POLK: variants seen among roughly 807,000 people sequenced by gnomAD.
POLK encodes DNA polymerase kappa, also known as polymerase (DNA directed) kappa.
POLK carries 76 observed loss-of-function variants against 94.0 expected under a neutral mutation model. The ratio of observed to expected loss-of-function variants is 0.81; its 90% CI spans 0.67 to 0.98. POLK has a LOEUF of 0.98. POLK is among the 50% of genes least tolerant of loss of function. The probability of loss-of-function intolerance (pLI) is 0.00; values close to 1 mark genes in which losing one functional copy is unlikely to be tolerated. For missense variants in POLK, 954 were observed against 1,010.1 expected, an observed-to-expected ratio of 0.94 and a Z score of 0.75; for synonymous variants, 349 against 325.4, an observed-to-expected ratio of 1.07 and a Z score of -0.78.
intron 1 of POLK, among the ~76,000 whole-genome samples, chr5:75,514,280 A>T (rs1768220280): frequency 6.6e-6 from 1 of 152,204 alleles, no homozygotes; most frequent in African/African-American, 2.4e-5. Flanking sequence ...ATAAATATTT[A>T]AAATTGTGTG....
chr5:75,607,535 G>A, the POLK span, among the ~76,000 whole-genome samples: 41 of 150,900 alleles, frequency 2.7e-4, no homozygotes, highest in Non-Finnish European at 3.8e-4. Flanking sequence ...TCTTGCAGCT[G>A]TAGCATTCTG....
chr5:75,511,487 G>A, upstream of POLK: 1 of 1,501,944 alleles, frequency 6.7e-7, no homozygotes, highest in Non-Finnish European at 8.9e-7. Context: ...GCCCGGCGCT[G>A]CCACCCGAAC....
In POLK at chr5:75,584,937, G is replaced by A. The variant is rs1337123191; in HGVS notation, c.1226+11G>A. 1.9e-6 allele frequency: 3 copies of A among 1,546,472 alleles called. No individual in the cohort carries two copies. The highest frequency in any genetic ancestry group is 2.6e-6 in the Non-Finnish European group (3 of 1,132,774). ...AACACACCTGACGAGGTATCTATAT[G>A]TATTGTCATTCTGCTTTTTCTTCAG... On this transcript the variant is annotated intron_variant, in intron 9 of 14. Coordinates refer to ENST00000241436, the Ensembl canonical transcript of POLK.
At chr5:75,537,627 C>T (rs909099068) in intron 1 of POLK, among the ~76,000 whole-genome samples, 1 of 152,196 alleles carries the variant, frequency 6.6e-6, no homozygotes, top group African/African-American at 2.4e-5. Flanking sequence ...TGTTACATTC[C>T]ATCACTTCTA....
chr5:75,596,372 A>G lies in POLK; in HGVS notation c.1679A>G (p.Glu560Gly), dbSNP rs757103131. ...AAAGATAAGTTTGTAAAACCTCTAG[A>G]AATGTCTCATAAGAAGAGTTTCTTT... The change falls in exon 13 of 15, where the codon GAA becomes GGA. Residue 560 changes from glutamate (E) to glycine (G), a missense_variant. Transcript: ENST00000241436. 2.5e-6 allele frequency: 4 copies of G among 1,613,648 alleles called. No homozygotes were observed. The African/African-American group carries it at 5.3e-5, about 22-fold the overall frequency.
At position 75,526,563 on chromosome 5, in the gene POLK, G is replaced by T. The variant is rs1418918337; in HGVS notation, c.-14+14649G>T. Reference sequence around the variant, plus strand: ...CAGAGATAAACTTCTGATTTAATGGGTTTTTTTTTTGTTTTTTTTTTTTTC... The same window carrying T: ...CAGAGATAAACTTCTGATTTAATGGTTTTTTTTTTTGTTTTTTTTTTTTTC... On this transcript the variant is annotated intron_variant, in intron 1 of 14. Coordinates refer to ENST00000241436, the Ensembl canonical transcript of POLK. Among the ~76,000 whole-genome samples, 20 of 132,546 alleles carry T rather than the reference G, an allele frequency of 1.5e-4. No homozygotes were observed. The South Asian group carries it at 1.9e-3, about 13-fold the overall frequency. The allele number at this position is 132,546 out of a possible 152,430, so 87.0% of individuals were successfully genotyped here.
exon 6 of POLK, chr5:75,576,920 C>G: frequency 6.4e-7 from 1 of 1,552,394 alleles, no homozygotes; most frequent in African/African-American, 1.4e-5. Flanking sequence ...AAATGGGAAG[C>G]TCTGTAGAAA....
At position 75,516,485 on chromosome 5, in the gene POLK, T is replaced by C. The variant is rs554117061; in HGVS notation, c.-14+4571T>C. 1.4e-4 allele frequency among the ~76,000 whole-genome samples: 21 copies of C among 152,168 alleles called. 1 individual carries two copies. The South Asian group carries it at 4.2e-3, about 30-fold the overall frequency. Reference sequence around the variant, plus strand: ...AGAAAAAAGTTTAAAACATTAAAAGTTTAAAAATAAAGTTAAATGAATAAA... The same window carrying C: ...AGAAAAAAGTTTAAAACATTAAAAGCTTAAAAATAAAGTTAAATGAATAAA... On this transcript the variant is annotated intron_variant, in intron 1 of 14. Transcript: ENST00000241436.
intron 3 of POLK, among the ~76,000 whole-genome samples, chr5:75,567,851 TCA>T (rs1771357503): frequency 6.6e-6 from 1 of 152,160 alleles, no homozygotes; most frequent in African/African-American, 2.4e-5. Flanking sequence ...GCAACCCAGG[TCA>T]TTCAGTGAGC....
At position 75,516,707 on chromosome 5, in the gene POLK, A is replaced by G. The variant is rs1365998831; in HGVS notation, c.-14+4793A>G. ...AATAAAACAACTTTTGGCCAGGCCA[A>G]TGTCCTGGAGTATTTCCCAAATACA... is the stretch of plus-strand genomic sequence containing the variant. On this transcript the variant is annotated intron_variant, in intron 1 of 14. Coordinates refer to ENST00000241436, the Ensembl canonical transcript of POLK. 4.6e-5 allele frequency among the ~76,000 whole-genome samples: 7 copies of G among 152,196 alleles called. No homozygotes were observed. In the East Asian group the frequency reaches 5.8e-4, roughly 13 times the overall value.
chr5:75,534,883 T>G (rs1295231756), intron 1 of POLK: 1 of 152,222 alleles, frequency 6.6e-6, no homozygotes, highest in African/African-American at 2.4e-5. Flanking sequence ...GTGATATGGG[T>G]CTCCTGAAGA....
chr5:75,523,461 T>TAG (rs1263694241), intron 1 of POLK, among the ~76,000 whole-genome samples: 1 of 152,212 alleles, frequency 6.6e-6, no homozygotes, highest in Non-Finnish European at 1.5e-5. Context: ...ATATTTACCT[T>TAG]AGCCCTCAGG....
At chr5:75,576,162 T>A (rs906976643) in intron 5 of POLK, among the ~76,000 whole-genome samples, 2 of 152,182 alleles carry the variant, frequency 1.3e-5, no homozygotes, top group African/African-American at 4.8e-5. Flanking sequence ...TCATTTAAGG[T>A]AATCATGGAG....
chr5:75,521,459 C>T (rs1561330053), intron 1 of POLK, among the ~76,000 whole-genome samples: 1 of 151,960 alleles, frequency 6.6e-6, no homozygotes, highest in Non-Finnish European at 1.5e-5. Flanking sequence ...TTGTTTCAAA[C>T]TCTGTTAATT....
At chr5:75,594,175 C>T (rs1351722701) in intron 12 of POLK, 126 bp downstream of exon 12, 3 of 640,058 alleles carry the variant, frequency 4.7e-6, no homozygotes, top group Non-Finnish European at 8.2e-6. Flanking sequence ...AACTTTGCGA[C>T]AGTGGGAAAG....
At chr5:75,559,523 G>GTTTTTTTTTTTTTTTTTTTTTTTTTTT (rs775525619) in intron 3 of POLK, among the ~76,000 whole-genome samples, 1 of 54,678 alleles carries the variant, frequency 1.8e-5, no homozygotes, top group African/African-American at 7.3e-5. Context: ...GTTTTGTTTT[G>GTTTTTTTTTTTTTTTTTTTTTTTTTTT]TTTTTTTTTT....
chr5:75,517,992 TG>T (rs558384335), intron 1 of POLK, among the ~76,000 whole-genome samples: 100 of 152,352 alleles, frequency 6.6e-4, no homozygotes, highest in Admixed American at 5.4e-3. Context: ...GAATCCCACT[TG>T]ATCATGATGA....
chr5:75,521,753 T>C (rs1311040701), intron 1 of POLK, among the ~76,000 whole-genome samples: 1 of 144,136 alleles, frequency 6.9e-6, no homozygotes, highest in South Asian at 2.3e-4. Context: ...TCTTTGTAAC[T>C]TACCTGTTGA....
At chr5:75,575,584 T>TAA (rs1463764027) in intron 5 of POLK, among the ~76,000 whole-genome samples, 1 of 152,226 alleles carries the variant, frequency 6.6e-6, no homozygotes, top group Non-Finnish European at 1.5e-5. Flanking sequence ...AGGAAGTTAA[T>TAA]AAATACTCAA....
Sources: gnomAD v4.1 joint callset for allele counts (sites outside exome capture counted in the v4.1 genomes callset) on GRCh38, gnomAD v4.1.1 for gene constraint, MANE v1.5 for transcripts, NCBI Gene and HGNC (gene_info 2026-07-23, HGNC 2026-07-21) for gene names.